CAMKMT: variants seen among roughly 807,000 people sequenced by gnomAD.
CAMKMT encodes CaM KMT.
A neutral mutation model predicts 48.0 loss-of-function variants in CAMKMT; 53 were observed. The ratio of observed to expected loss-of-function variants is 1.10; its 90% CI spans 0.89 to 1.39. The LOEUF (loss-of-function observed/expected upper bound fraction) is 1.39. Ranked by LOEUF, CAMKMT falls within the 40% of genes most tolerant of loss-of-function variation. The pLI, the probability that CAMKMT is intolerant of heterozygous loss-of-function variation, is 0.00. For missense variants in CAMKMT, 428 were observed against 402.7 expected (o/e 1.06, Z -0.54); for synonymous variants, 165 against 152.3 (o/e 1.08, Z -0.61).
chr2:44,442,065 C>T (rs978529044), intron 3 of CAMKMT, among the ~76,000 whole-genome samples: 7 of 152,140 alleles, frequency 4.6e-5, no homozygotes, highest in Non-Finnish European at 8.8e-5. Flanking sequence ...AGCTCCCTTG[C>T]TACTAAACAG....
At chr2:44,584,707 C>T (rs1175381472) in intron 3 of CAMKMT, among the ~76,000 whole-genome samples, 1 of 151,970 alleles carries the variant, frequency 6.6e-6, no homozygotes, top group Non-Finnish European at 1.5e-5. Context: ...GAGTTCCTTC[C>T]TTGGAGGTCT....
chr2:44,377,792 G>A (rs960714590), intron 2 of CAMKMT, among the ~76,000 whole-genome samples: 2 of 151,990 alleles, frequency 1.3e-5, no homozygotes, highest in Non-Finnish European at 2.9e-5. Flanking sequence ...TGACTGTGTT[G>A]CATCTTTCTA....
At chr2:44,575,846 G>C (rs1167329561) in intron 3 of CAMKMT, among the ~76,000 whole-genome samples, 3 of 151,880 alleles carry the variant, frequency 2.0e-5, no homozygotes, top group African/African-American at 7.3e-5. Context: ...GTGACGGTGA[G>C]ACCCTGTCTC....
At chr2:44,609,097 A>G (rs1391316999) in intron 3 of CAMKMT, among the ~76,000 whole-genome samples, 2 of 152,226 alleles carry the variant, frequency 1.3e-5, no homozygotes, top group African/African-American at 4.8e-5. Context: ...CCTAGACCTC[A>G]AAGAGAGATT....
chr2:44,669,608 G>T (rs1041203575), intron 3 of CAMKMT, among the ~76,000 whole-genome samples: 2 of 151,902 alleles, frequency 1.3e-5, no homozygotes, highest in Non-Finnish European at 2.9e-5. Context: ...TAGTCTGTTC[G>T]TTAAGTAATG....
At chr2:44,409,609 G>A (rs1223644278) in intron 3 of CAMKMT, among the ~76,000 whole-genome samples, 1 of 152,164 alleles carries the variant, frequency 6.6e-6, no homozygotes, top group East Asian at 1.9e-4. Context: ...TGGCAGATTT[G>A]GATGGCTAAA....
intron 7 of CAMKMT, among the ~76,000 whole-genome samples, chr2:44,736,599 T>C (rs908507433): frequency 2.6e-5 from 4 of 152,208 alleles, no homozygotes; most frequent in Admixed American, 1.3e-4. Flanking sequence ...TCAAATATTT[T>C]TTCTGTTGTC....
In CAMKMT at chr2:44,772,151, T is replaced by A. The variant is rs758984686; in HGVS notation, c.*38T>A. On this transcript the variant is annotated 3_prime_UTR_variant, in exon 11 of 11. Transcript: ENST00000378494. ...CTCAAAGACGAAGAAACGTATCAAG[T>A]GCATAGGGAATATTTTTACAAAAAC... 1 of 1,535,378 alleles carries A rather than the reference T, an allele frequency of 6.5e-7. No individual in the cohort carries two copies.
chr2:44,444,074 G>C (rs1666837558), intron 3 of CAMKMT, among the ~76,000 whole-genome samples: 1 of 152,180 alleles, frequency 6.6e-6, no homozygotes, highest in Non-Finnish European at 1.5e-5. Flanking sequence ...TGAAGGAAAA[G>C]TAAGAAGATA....
At chr2:44,474,508 G>A (rs1034793070) in intron 3 of CAMKMT, among the ~76,000 whole-genome samples, 2 of 151,766 alleles carry the variant, frequency 1.3e-5, no homozygotes, top group Non-Finnish European at 1.5e-5. Context: ...GGTAAGTAGT[G>A]AGTAAGAGAG....
chr2:44,534,339 A>G (rs1430324060), intron 3 of CAMKMT, among the ~76,000 whole-genome samples: 3 of 152,140 alleles, frequency 2.0e-5, no homozygotes, highest in Admixed American at 1.3e-4. Context: ...CAAACAGAAA[A>G]TCAACAACGA....
intron 3 of CAMKMT, among the ~76,000 whole-genome samples, chr2:44,472,822 A>G (rs886513214): frequency 7.2e-5 from 11 of 152,380 alleles, no homozygotes; most frequent in East Asian, 3.8e-4. Context: ...TTCAAATCAA[A>G]TAATGAAATA....
At chr2:44,367,331 G>A (rs138828638) in intron 1 of CAMKMT, among the ~76,000 whole-genome samples, 3 of 152,088 alleles carry the variant, frequency 2.0e-5, no homozygotes, top group African/African-American at 7.2e-5. Context: ...TTTGAGAGCC[G>A]ACATGTTGCC....
intron 9 of CAMKMT, among the ~76,000 whole-genome samples, chr2:44,754,895 A>ATAGGAG (rs933355598): frequency 6.6e-6 from 1 of 152,116 alleles, no homozygotes; most frequent in African/African-American, 2.4e-5. Context: ...TTGCTGTGCC[A>ATAGGAG]TAGGAGTTTA....
chr2:44,511,320 G>T (rs116628103), intron 3 of CAMKMT, among the ~76,000 whole-genome samples: 4,663 of 152,290 alleles, frequency 0.031, 247 homozygotes, highest in African/African-American at 0.11. Flanking sequence ...ACGGAGTCTT[G>T]CTCTGTCACG....
intron 10 of CAMKMT, among the ~76,000 whole-genome samples, chr2:44,768,355 ATATATATTTTT>A (rs1680936639): frequency 1.1e-5 from 1 of 94,920 alleles, no homozygotes; most frequent in Non-Finnish European, 2.1e-5. Flanking sequence ...ATATATATAT[ATATATATTTTT>A]TTTTTTTTTT....
At chr2:44,457,645 C>T (rs778193875) in intron 3 of CAMKMT, among the ~76,000 whole-genome samples, 21 of 152,146 alleles carry the variant, frequency 1.4e-4, no homozygotes, top group Non-Finnish European at 2.9e-4. Flanking sequence ...GATCCACCCG[C>T]CTTGGCCTCC....
At chr2:44,391,367 C>G (rs1403918139) in intron 3 of CAMKMT, among the ~76,000 whole-genome samples, 2 of 151,776 alleles carry the variant, frequency 1.3e-5, no homozygotes, top group Non-Finnish European at 2.9e-5. Flanking sequence ...CTTTTAGTTT[C>G]TTTCTTTTTT....
chr2:44,380,986 C>T (rs112368178), intron 2 of CAMKMT, among the ~76,000 whole-genome samples: 8,119 of 152,048 alleles, frequency 0.053, 279 homozygotes, highest in South Asian at 0.13. Flanking sequence ...ATAGTGAAAC[C>T]CCATCTCTAC....
Sources: gnomAD v4.1 joint callset for allele counts (sites outside exome capture counted in the v4.1 genomes callset) on GRCh38, gnomAD v4.1.1 for gene constraint, MANE v1.5 for transcripts, NCBI Gene and HGNC (gene_info 2026-07-23, HGNC 2026-07-21) for gene names.